Variants in OCIAD1 observed in about 807,000 individuals in gnomAD.
OCIAD1 encodes the protein OCIA domain containing 1.
OCIAD1 carries 29 observed loss-of-function variants against 38.9 expected under a neutral mutation model. The observed-to-expected ratio is 0.74, with a 90% confidence interval of 0.55 to 1.02. OCIAD1 has a LOEUF of 1.02. Ranked by LOEUF, OCIAD1 falls within the 50% of genes least tolerant of loss-of-function variation. The pLI is 0.00. For missense variants in OCIAD1, 288 were observed against 289.6 expected (o/e 0.99, Z 0.04); for synonymous variants, 110 against 92.0 (o/e 1.20, Z -1.12).
intron 8 of OCIAD1, among the ~76,000 whole-genome samples, chr4:48,857,668 C>A (rs1276767721): frequency 6.6e-6 from 1 of 151,898 alleles, no homozygotes; most frequent in Non-Finnish European, 1.5e-5. Flanking sequence ...TACAGGCCCC[C>A]ACGCCCAGCT....
chr4:48,839,098 C>T (rs1778283844), intron 3 of OCIAD1, among the ~76,000 whole-genome samples: 1 of 152,084 alleles, frequency 6.6e-6, no homozygotes, highest in Non-Finnish European at 1.5e-5. Context: ...AATAATATTT[C>T]ATATATGTGT....
chr4:48,835,008 A>G (rs994627884), intron 3 of OCIAD1, among the ~76,000 whole-genome samples: 1 of 152,194 alleles, frequency 6.6e-6, no homozygotes, highest in Non-Finnish European at 1.5e-5. Context: ...ATCTCTGCTC[A>G]CGTCAACATC....
At chr4:48,846,364 A>T (rs759778949) in intron 4 of OCIAD1, among the ~76,000 whole-genome samples, 2 of 152,216 alleles carry the variant, frequency 1.3e-5, no homozygotes, top group Non-Finnish European at 2.9e-5. Context: ...ACATGGTGAG[A>T]TTCATCCAGT....
At chr4:48,821,935 G>A (rs955507270) in intron 1 of OCIAD1, among the ~76,000 whole-genome samples, 8 of 152,182 alleles carry the variant, frequency 5.3e-5, no homozygotes, top group Non-Finnish European at 8.8e-5. Flanking sequence ...CTCATGGATA[G>A]GAACAATCAA....
At chr4:48,812,324 A>G (rs1226009604) in intron 1 of OCIAD1, among the ~76,000 whole-genome samples, 8 of 149,902 alleles carry the variant, frequency 5.3e-5, no homozygotes, top group South Asian at 2.1e-4. Context: ...AAAGAAAAGA[A>G]AAAGAAAACT....
At chr4:48,821,800 A>G (rs1777197159) in intron 1 of OCIAD1, among the ~76,000 whole-genome samples, 1 of 152,180 alleles carries the variant, frequency 6.6e-6, no homozygotes, top group Non-Finnish European at 1.5e-5. Context: ...CACAATTGCT[A>G]CAAAGAGAAT....
Position 48,857,525 on chromosome 4 carries a change from C to CT in OCIAD1, c.700+173dup, listed in dbSNP as rs367805823. Among the ~76,000 whole-genome samples, 781 of 144,536 alleles carry CT rather than the reference C, an allele frequency of 5.4e-3. 2 individuals are homozygous for CT. The highest frequency in any genetic ancestry group is 0.014 in the African/African-American group (571 of 39,766). The allele number at this position is 144,536 out of a possible 152,430, so 94.8% of individuals were successfully genotyped here. ...AAATAGTACTTTACAGTTATCAGTT[C>CT]TTTTTTTTTTTTTGAGACGGAGTCT... On this transcript the variant is annotated intron_variant, in intron 8 of 8. Transcript: ENST00000264312.
intron 1 of OCIAD1, among the ~76,000 whole-genome samples, chr4:48,806,106 A>G (rs1323534857): frequency 6.6e-6 from 1 of 152,118 alleles, no homozygotes; most frequent in Non-Finnish European, 1.5e-5. Flanking sequence ...ATCTCTACTA[A>G]AAATACAAAA....
chr4:48,819,715 G>GAAAAAAAAA, intron 1 of OCIAD1, among the ~76,000 whole-genome samples: 1 of 13,296 alleles, frequency 7.5e-5, no homozygotes, highest in African/African-American at 1.9e-4. Flanking sequence ...TTTACCAAGC[G>GAAAAAAAAA]CAAAAAAAAA....
At chr4:48,826,849 C>T (rs944984267), upstream of OCIAD1, among the ~76,000 whole-genome samples, 13 of 152,174 alleles carry the variant, frequency 8.5e-5, no homozygotes, top group Admixed American at 7.9e-4. Flanking sequence ...CACATTATCT[C>T]CAATCACTCT....
intron 4 of OCIAD1, among the ~76,000 whole-genome samples, chr4:48,846,001 T>A (rs78624769): frequency 0.017 from 2,618 of 152,302 alleles, 73 homozygotes; most frequent in African/African-American, 0.059. Context: ...ATAGTGCACA[T>A]AGTACTCAAA....
intron 1 of OCIAD1, among the ~76,000 whole-genome samples, chr4:48,831,696 G>A (rs548718044): frequency 1.6e-3 from 246 of 152,288 alleles, no homozygotes; most frequent in Non-Finnish European, 2.9e-3. Context: ...TTTCTCATAC[G>A]GTTGTAGGGT....
intron 1 of OCIAD1, among the ~76,000 whole-genome samples, chr4:48,818,097 G>C (rs1777159937): frequency 6.6e-6 from 1 of 152,196 alleles, no homozygotes; most frequent in Non-Finnish European, 1.5e-5. Flanking sequence ...CTTCTCAAGT[G>C]GGTCCCTGAC....
intron 1 of OCIAD1, among the ~76,000 whole-genome samples, chr4:48,809,982 T>G (rs1777068965): frequency 6.6e-6 from 1 of 152,220 alleles, no homozygotes. Flanking sequence ...ACATTGAGTG[T>G]GCTTCTTAAT....
chr4:48,846,880 A>G (rs188726529), intron 4 of OCIAD1, among the ~76,000 whole-genome samples: 111 of 152,280 alleles, frequency 7.3e-4, no homozygotes, highest in African/African-American at 2.3e-3. Flanking sequence ...TAGTTGCCCT[A>G]TAGTTTTCCT....
chr4:48,817,719 T>C (rs893913353), intron 1 of OCIAD1, among the ~76,000 whole-genome samples: 1 of 152,148 alleles, frequency 6.6e-6, no homozygotes, highest in African/African-American at 2.4e-5. Flanking sequence ...GAAGACAACT[T>C]GGAATAATCG....
At chr4:48,837,701 G>C (rs1778137282) in intron 3 of OCIAD1, among the ~76,000 whole-genome samples, 1 of 143,092 alleles carries the variant, frequency 7.0e-6, no homozygotes, top group Non-Finnish European at 1.5e-5. Flanking sequence ...AGGATAAAAT[G>C]ATCTATTTTT....
chr4:48,845,787 C>T (rs1778928176), intron 4 of OCIAD1, among the ~76,000 whole-genome samples: 1 of 152,208 alleles, frequency 6.6e-6, no homozygotes, highest in South Asian at 2.1e-4. Context: ...CACATCTATC[C>T]CTTATCTGCC....
Position 48,848,423 on chromosome 4 carries a change from A to G in OCIAD1, c.218A>G (p.Tyr73Cys), listed in dbSNP as rs762791260. Residue 73 changes from tyrosine to cysteine, a missense_variant, in exon 5 of 9, where the codon TAT becomes TGT. By Grantham distance (194) the Tyr-to-Cys change is radical. Transcript: ENST00000264312. ...SKGILSSHPK[Y>C]GSIPKLILAC... ...GGAATACTTTCAAGTCATCCCAAAT[A>G]TGGTTCCATCCCTAAACTTATACGT... 6.6e-7 allele frequency: 1 copy of G among 1,507,338 alleles called. No individual in the cohort carries two copies. The highest frequency in any genetic ancestry group is 9.2e-7 in the Non-Finnish European group (1 of 1,088,182). The allele number at this position is 1,507,338 out of a possible 1,614,324, so 93.4% of individuals were successfully genotyped here.
Sources: gnomAD v4.1 joint callset for allele counts (sites outside exome capture counted in the v4.1 genomes callset) on GRCh38, gnomAD v4.1.1 for gene constraint, MANE v1.5 for transcripts, NCBI Gene and HGNC (gene_info 2026-07-23, HGNC 2026-07-21) for gene names.